USP47: variants seen among roughly 807,000 people sequenced by gnomAD.
The protein encoded by USP47 is ubiquitin carboxyl-terminal hydrolase 47.
USP47 carries 35 observed loss-of-function variants against 165.1 expected under a neutral mutation model. The observed-to-expected ratio is 0.21, with a 90% CI of 0.16 to 0.28. The LOEUF (loss-of-function observed/expected upper bound fraction) is 0.28, where lower values mean the gene tolerates loss of function less well. Ranked by LOEUF, USP47 falls within the 10% of genes least tolerant of loss-of-function variation. USP47 has a pLI of 1.00. For synonymous variants in USP47, 531 were observed against 544.5 expected, an observed-to-expected ratio of 0.98 and a Z score of 0.35; for missense variants, 1,277 against 1,607.4, an observed-to-expected ratio of 0.79 and a Z score of 3.52.
At chr11:11,874,090 C>T (rs993873478) in intron 1 of USP47, among the ~76,000 whole-genome samples, 1 of 151,904 alleles carries the variant, frequency 6.6e-6, no homozygotes, top group African/African-American at 2.4e-5. Context: ...ACTAAAGAAC[C>T]CTTTGTTATG....
chr11:11,904,415 C>T (rs73413215), intron 7 of USP47, among the ~76,000 whole-genome samples: 4,163 of 152,254 alleles, frequency 0.027, 171 homozygotes, highest in African/African-American at 0.095. Context: ...ATGTAGTACA[C>T]TTATCCTCAT....
chr11:11,897,576 A>G, intron 4 of USP47, 21 bp from the exon 5 acceptor site: 2 of 1,523,572 alleles, frequency 1.3e-6, no homozygotes, highest in South Asian at 2.4e-5. Flanking sequence ...ATTAATGTAC[A>G]TTTGTATTTT....
rs1205044337 is a variant in USP47, at chr11:11,938,322, C to T, written c.2143C>T (p.Arg715Cys). ...AESVAAPITV[R>C]AYLNQTVTEF... ...ATCTGTAGCTGCTCCTATAACTGTT[C>T]GTGCTTACTTAAATCAGACAGTTAC... The change falls in exon 18 of 28, where the codon CGT becomes TGT. Residue 715 changes from arginine (R) to cysteine (C), a missense_variant. Transcript: ENST00000527733. 3 of 1,612,070 alleles carry T rather than the reference C, an allele frequency of 1.9e-6. No homozygotes were observed. The highest frequency in any genetic ancestry group is 2.5e-6 in the Non-Finnish European group (3 of 1,178,782).
Position 11,942,587 on chromosome 11 carries a change from A to G in USP47, c.2566A>G (p.Ser856Gly). 6.2e-7 allele frequency: 1 copy of G among 1,613,584 alleles called. No homozygotes were observed. Among genetic ancestry groups the G allele is most frequent in the Non-Finnish European group, 8.5e-7 (1 of 1,179,750 alleles). Residue 856 changes from serine (S) to glycine (G), a missense_variant, in exon 20 of 28, where the codon AGC becomes GGC. Coordinates refer to ENST00000527733, the MANE Select transcript of USP47 (RefSeq NM_001282659.2). The stretch of plus-strand genomic sequence containing the variant: ...GTCTGTGGAAGCTATTCTAGAAGAA[A>G]GCACTGAAAAACTCAAAAGCTTGTC... ...LKSVEAILEE[S>G]TEKLKSLSLQ...
chr11:11,935,216 C>G (rs982120177), intron 16 of USP47, among the ~76,000 whole-genome samples: 5 of 152,022 alleles, frequency 3.3e-5, no homozygotes, highest in African/African-American at 7.2e-5. Context: ...ATTAATATTA[C>G]TGCCCCTCAC....
chr11:11,945,839 GT>G (rs1728820885), intron 20 of USP47, among the ~76,000 whole-genome samples: 1 of 151,720 alleles, frequency 6.6e-6, no homozygotes, highest in Non-Finnish European at 1.5e-5. Flanking sequence ...GGAGGCTGAG[GT>G]GGAAGGATCA....
At chr11:11,935,558 G>T (rs1364092891) in intron 16 of USP47, among the ~76,000 whole-genome samples, 3 of 151,922 alleles carry the variant, frequency 2.0e-5, no homozygotes, top group Admixed American at 6.6e-5. Flanking sequence ...GGTTGGGGAG[G>T]AGTAGAGATC....
intron 18 of USP47, among the ~76,000 whole-genome samples, chr11:11,939,227 A>G (rs1855300262): frequency 6.6e-6 from 1 of 151,938 alleles, no homozygotes; most frequent in African/African-American, 2.4e-5. Context: ...CAAACGGCAG[A>G]TTTTGCAGGG....
chr11:11,924,186 G>C (rs927574749), intron 11 of USP47, among the ~76,000 whole-genome samples: 5 of 152,074 alleles, frequency 3.3e-5, no homozygotes, highest in African/African-American at 9.7e-5. Context: ...ATCATGAATA[G>C]GTATTGGATT....
At chr11:11,954,363 G>A (rs992012171) in intron 25 of USP47, among the ~76,000 whole-genome samples, 11 of 152,110 alleles carry the variant, frequency 7.2e-5, no homozygotes, top group East Asian at 1.9e-4. Context: ...TCCGCCTCCC[G>A]GGTTCAAGTG....
At chr11:11,917,841 A>G (rs1853542489) in intron 8 of USP47, among the ~76,000 whole-genome samples, 1 of 152,204 alleles carries the variant, frequency 6.6e-6, no homozygotes, top group African/African-American at 2.4e-5. Context: ...CATACCAGTC[A>G]TATCAAATAT....
chr11:11,931,343 A>G (rs1337210835), intron 14 of USP47, among the ~76,000 whole-genome samples: 5 of 152,164 alleles, frequency 3.3e-5, no homozygotes, highest in Non-Finnish European at 7.3e-5. Flanking sequence ...GGACTTACTC[A>G]TCTTTTCACA....
chr11:11,852,468 C>T (rs1848781295), intron 1 of USP47, among the ~76,000 whole-genome samples: 1 of 152,128 alleles, frequency 6.6e-6, no homozygotes. Context: ...TTTGAGCACT[C>T]ACTTCCTTAC....
chr11:11,894,552 TATTATTCTGAGATAGCTAC>T (rs1827025935), intron 4 of USP47, among the ~76,000 whole-genome samples: 1 of 152,226 alleles, frequency 6.6e-6, no homozygotes, highest in Admixed American at 6.5e-5. Flanking sequence ...TTTTGTTTCT[TATTATTCTGAGATAGCTAC>T]ATTATTCTGA....
At chr11:11,887,488 A>G (rs1851238155) in intron 3 of USP47, among the ~76,000 whole-genome samples, 1 of 152,282 alleles carries the variant, frequency 6.6e-6, no homozygotes, top group South Asian at 2.1e-4. Flanking sequence ...AGGGCATTAC[A>G]TAATAGTAAA....
At position 11,940,494 on chromosome 11, in the gene USP47, T is replaced by C. The variant is rs1855393999; in HGVS notation, c.2259T>C (p.Leu753=). 6.2e-7 allele frequency: 1 copy of C among 1,612,062 alleles called. No individual in the cohort carries two copies. Among genetic ancestry groups the C allele is most frequent in the Non-Finnish European group, 8.5e-7 (1 of 1,178,634 alleles). The stretch of plus-strand genomic sequence containing the variant: ...AACGCTGCTACAATGATTTGCGTCT[T>C]CTCAGTGTCTCCAGTAAAACCCTGA... The part of the protein sequence containing the change: ...VLERCYNDLR[L]LSVSSKTLKA... Residue 753 remains leucine, a synonymous_variant, in exon 19 of 28, where the codon CTT becomes CTC. Coordinates refer to ENST00000527733, the MANE Select transcript of USP47 (RefSeq NM_001282659.2).
intron 20 of USP47, among the ~76,000 whole-genome samples, chr11:11,945,947 AAAAG>A (rs1345970347): frequency 9.2e-6 from 1 of 108,788 alleles, no homozygotes; most frequent in South Asian, 3.4e-4. Context: ...CCCCAAAAAA[AAAAG>A]AAAAGAAAAG....
chr11:11,875,058 TG>T (rs1264294704), intron 1 of USP47, among the ~76,000 whole-genome samples: 3 of 151,664 alleles, frequency 2.0e-5, no homozygotes, highest in Non-Finnish European at 2.9e-5. Flanking sequence ...TGTGTGTGTG[TG>T]TGTGTGTGTG....
chr11:11,851,318 T>C (rs1417402437), intron 1 of USP47, among the ~76,000 whole-genome samples: 2 of 152,228 alleles, frequency 1.3e-5, no homozygotes, highest in African/African-American at 4.8e-5. Flanking sequence ...AGAGATTGTT[T>C]AGTCTTTTAT....
Sources: allele counts gnomAD v4.1 joint callset (sites outside exome capture counted in the v4.1 genomes callset), GRCh38; gene constraint gnomAD v4.1.1; transcripts MANE v1.5; gene names NCBI Gene and HGNC (gene_info 2026-07-23, HGNC 2026-07-21).